The following WFDC3 variants were observed in gnomAD, a reference collection of about 807,000 sequenced individuals.
The protein encoded by WFDC3 is WAP four-disulfide core domain protein 3.
A neutral mutation model predicts 25.8 loss-of-function variants in WFDC3; 15 were observed. The observed-to-expected ratio is 0.58, with a 90% CI of 0.39 to 0.89. The LOEUF is 0.89. WFDC3 is among the 40% of genes least tolerant of loss of function. The pLI, the probability that WFDC3 is intolerant of heterozygous loss-of-function variation, is 0.00. For synonymous variants in WFDC3, 103 were observed against 107.1 expected, an observed-to-expected ratio of 0.96 and a Z score of 0.24; for missense variants, 264 against 289.8, an observed-to-expected ratio of 0.91 and a Z score of 0.65.
intron 4 of WFDC3, among the ~76,000 whole-genome samples, chr20:45,787,376 C>T (rs1181968560): frequency 1.3e-5 from 2 of 148,786 alleles, no homozygotes; most frequent in Admixed American, 6.7e-5. Context: ...CTGCAAGCTC[C>T]GCCTTCTGGG....
intron 2 of WFDC3, 151 bp downstream of exon 2, chr20:45,789,743 T>C (rs1437839666): frequency 1.1e-5 from 7 of 651,860 alleles, no homozygotes; most frequent in Non-Finnish European, 1.8e-5. Flanking sequence ...ACCCAGGCCA[T>C]CCTGAGAATC....
At chr20:45,791,703 C>G (rs561258194) in intron 1 of WFDC3, 129 bp downstream of exon 1, 23 of 292,290 alleles carry the variant, frequency 7.9e-5, no homozygotes, top group Admixed American at 1.0e-4. Context: ...TCCCTTCCTC[C>G]TACCCCGCAG....
At chr20:45,782,518 C>A (rs1293768263) in intron 4 of WFDC3, among the ~76,000 whole-genome samples, 1 of 152,034 alleles carries the variant, frequency 6.6e-6, no homozygotes, top group Non-Finnish European at 1.5e-5. Flanking sequence ...GCTGGGATTA[C>A]AGACGCCCAC....
At chr20:45,783,682 T>C (rs2145686703) in intron 4 of WFDC3, among the ~76,000 whole-genome samples, 1 of 152,042 alleles carries the variant, frequency 6.6e-6, no homozygotes, top group African/African-American at 2.4e-5. Flanking sequence ...CAGGACCCAA[T>C]GTCTGCCCTT....
chr20:45,784,959 G>A (rs1402395627), intron 4 of WFDC3, among the ~76,000 whole-genome samples: 1 of 152,084 alleles, frequency 6.6e-6, no homozygotes, highest in African/African-American at 2.4e-5. Context: ...TTGAACCCAG[G>A]ACTCCGACAA....
chr20:45,775,349 A>G, intron 6 of WFDC3, 68 bp downstream of exon 6: 1 of 1,558,958 alleles, frequency 6.4e-7, no homozygotes, highest in Non-Finnish European at 8.7e-7. Flanking sequence ...TCCCCTTCCC[A>G]GCACCTAAGC....
In WFDC3 at chr20:45,789,992, G is replaced by A. The variant is rs747001320; in HGVS notation, c.-7-10C>T. On this transcript the variant is annotated splice_polypyrimidine_tract_variant and intron_variant, in intron 1 of 6. Coordinates refer to ENST00000243938, the MANE Select transcript of WFDC3 (RefSeq NM_080614.2). ...TAACATCATGATGATGCTGAGAGTT[G>A]GGACAAGAGCTCAGTTCAGGCTAGA... The A allele has an allele frequency of 6.2e-7, 1 of 1,611,844 alleles. No homozygotes were observed. The highest frequency in any genetic ancestry group is 8.5e-7 in the Non-Finnish European group (1 of 1,177,950).
chr20:45,788,954 C>A lies in WFDC3; in HGVS notation c.188G>T (p.Arg63Leu), dbSNP rs73122754. The change falls in exon 3 of 7, where the codon CGG (arginine) becomes CTG (leucine). Residue 63 changes from arginine to leucine, a missense_variant. Physicochemically the swap from Arg to Leu is moderately radical, Grantham distance 102 (BLOSUM62 -2). Transcript: ENST00000243938. ...EQKCCTTGCG[R>L]ICRDIPKGRK... ...ACCCTTAGGAATGTCTCGGCAGATC[C>A]GACCACAGCCTGTGGTGCAGCACTT... The A allele has an allele frequency of 0.054, 86,881 of 1,612,210 alleles. 2,680 individuals are homozygous for A. The highest frequency in any genetic ancestry group is 0.087 in the Middle Eastern group (528 of 6,052).
chr20:45,791,786 C>G (rs1270336240), intron 1 of WFDC3, 46 bp downstream of exon 1: 1 of 382,294 alleles, frequency 2.6e-6, no homozygotes, highest in Non-Finnish European at 4.6e-6. Context: ...ACTGCACAAT[C>G]GAGGCGCAGC....
chr20:45,775,310 C>T, intron 6 of WFDC3, 107 bp downstream of exon 6: 2 of 1,451,306 alleles, frequency 1.4e-6, no homozygotes, highest in Non-Finnish European at 1.9e-6. Context: ...TTCTTTCTCT[C>T]CAACTAGACT....
In WFDC3 at chr20:45,785,872, G is replaced by A. The variant is rs118016568; in HGVS notation, c.358+1964C>T. On this transcript the variant is annotated intron_variant, in intron 4 of 6. Transcript: ENST00000243938. ...CCCGCTGCTACCTCCCTAGTCTCACGGGTCTACATCCTCATCTGCCTTCAT... is the reference window on the plus strand; with the variant it reads ...CCCGCTGCTACCTCCCTAGTCTCACAGGTCTACATCCTCATCTGCCTTCAT... 3.4e-3 allele frequency among the ~76,000 whole-genome samples: 513 copies of A among 152,136 alleles called. 1 individual carries two copies. Among genetic ancestry groups the A allele is most frequent in the Middle Eastern group, 6.8e-3 (2 of 294 alleles).
At position 45,789,914 on chromosome 20, in the gene WFDC3, C is replaced by T. The variant is rs1446338813; in HGVS notation, c.62G>A (p.Trp21Ter). 6.2e-7 allele frequency: 1 copy of T among 1,614,036 alleles called. No individual in the cohort carries two copies. Among genetic ancestry groups the T allele is most frequent in the Admixed American group, 1.7e-5 (1 of 60,004 alleles). The change falls in exon 2 of 7, where the codon TGG (tryptophan) becomes TAG (stop). Residue 21 changes from tryptophan (W) to a stop codon, truncating the protein, a stop_gained. Coordinates refer to ENST00000243938, the MANE Select transcript of WFDC3 (RefSeq NM_080614.2). LOFTEE classifies it high-confidence loss of function. ...ALLALGSLES[W>*]ITAGEHAKEG... is the part of the protein sequence containing the mutation. Reference sequence around the variant, plus strand: ...CTCACCATGTTCTCCTGCAGTTATCCAGGATTCCAGAGACCCAAGAGCAAG... The same window carrying T: ...CTCACCATGTTCTCCTGCAGTTATCTAGGATTCCAGAGACCCAAGAGCAAG...
chr20:45,775,692 G>C, intron 5 of WFDC3, 90 bp from the exon 6 acceptor site: 1 of 1,530,586 alleles, frequency 6.5e-7, no homozygotes. Context: ...AGAGGCTCTA[G>C]GTCAATCAAC....
Position 45,775,416 on chromosome 20 carries a change from C to T in WFDC3, c.679+1G>A. 2.5e-6 allele frequency: 4 copies of T among 1,613,918 alleles called. No individual in the cohort carries two copies. The highest frequency in any genetic ancestry group is 3.4e-6 in the Non-Finnish European group (4 of 1,179,854). On this transcript the variant is annotated splice_donor_variant, in intron 6 of 6. Coordinates refer to ENST00000243938, the MANE Select transcript of WFDC3 (RefSeq NM_080614.2). LOFTEE classifies it high-confidence loss of function. The stretch of plus-strand genomic sequence containing the variant: ...TGTTGATGACAATGGACTGTACTCA[C>T]CTAATTCGGAATCAGACCTCACAGT...
intron 6 of WFDC3, among the ~76,000 whole-genome samples, chr20:45,774,996 C>G (rs1252267238): frequency 6.6e-6 from 1 of 152,060 alleles, no homozygotes; most frequent in Non-Finnish European, 1.5e-5. Context: ...CCACCCTGCC[C>G]CCACTCCTCA....
At chr20:45,781,306 A>G (rs983124512) in intron 4 of WFDC3, among the ~76,000 whole-genome samples, 5 of 152,178 alleles carry the variant, frequency 3.3e-5, no homozygotes, top group African/African-American at 9.7e-5. Context: ...CACTGCAGCA[A>G]GGATCACACA....
intron 4 of WFDC3, chr20:45,778,787 T>C (rs1451698201): frequency 6.6e-6 from 1 of 152,022 alleles, no homozygotes; most frequent in Non-Finnish European, 1.5e-5. Flanking sequence ...GGTTCAAGCA[T>C]TGCCACCTAC....
intron 4 of WFDC3, among the ~76,000 whole-genome samples, chr20:45,780,490 G>T (rs6073910): frequency 0.7 from 105,909 of 152,028 alleles, 37,132 homozygotes; most frequent in Admixed American, 0.76. Flanking sequence ...TGTCTTTCAC[G>T]ATCCTGGCTT....
intron 2 of WFDC3, among the ~76,000 whole-genome samples, chr20:45,789,616 G>A (rs1980853921): frequency 6.6e-6 from 1 of 152,106 alleles, no homozygotes; most frequent in African/African-American, 2.4e-5. Context: ...AGAGAGAAAG[G>A]GTGGGATGAT....
Sources: gnomAD v4.1 joint callset for allele counts (sites outside exome capture counted in the v4.1 genomes callset) on GRCh38, gnomAD v4.1.1 for gene constraint, MANE v1.5 for transcripts, NCBI Gene and HGNC (gene_info 2026-07-23, HGNC 2026-07-21) for gene names.